Variants in EPC1 observed in about 807,000 individuals in gnomAD.
EPC1 encodes the protein enhancer of polycomb 1.
A neutral mutation model predicts 98.4 loss-of-function variants in EPC1; 12 were observed. The ratio of observed to expected loss-of-function variants is 0.12; its 90% CI spans 0.08 to 0.20. EPC1 has a LOEUF of 0.20. Ranked by LOEUF, EPC1 falls within the 10% of genes least tolerant of loss-of-function variation. EPC1 has a pLI of 1.00. For missense variants in EPC1, 729 were observed against 990.5 expected (o/e 0.74, Z 3.54); for synonymous variants, 357 against 363.9 (o/e 0.98, Z 0.21).
At chr10:32,304,788 A>G (rs1835774817) in intron 2 of EPC1, among the ~76,000 whole-genome samples, 1 of 151,952 alleles carries the variant, frequency 6.6e-6, no homozygotes, top group Admixed American at 6.6e-5. Context: ...GCGTGGTGGC[A>G]TGCGCCTGTA....
chr10:32,321,044 GTTTA>G (rs1028438289), intron 1 of EPC1, among the ~76,000 whole-genome samples: 1 of 152,034 alleles, frequency 6.6e-6, no homozygotes, highest in African/African-American at 2.4e-5. Flanking sequence ...TTTTCAGTTA[GTTTA>G]TTTTTTTTAA....
chr10:32,345,047 C>T (rs933094533), intron 1 of EPC1: 42 of 696,114 alleles, frequency 6.0e-5, no homozygotes, highest in Non-Finnish European at 6.7e-5. Context: ...AAAACCAACA[C>T]CCCAATACTT....
intron 2 of EPC1, among the ~76,000 whole-genome samples, chr10:32,304,873 C>G (rs933244538): frequency 6.9e-6 from 1 of 144,922 alleles, no homozygotes; most frequent in African/African-American, 2.6e-5. Flanking sequence ...AAGCCGAGAT[C>G]GCGCCATTGC....
chr10:32,377,265 C>T (rs1393371659), intron 1 of EPC1: 1 of 152,114 alleles, frequency 6.6e-6, no homozygotes, highest in African/African-American at 2.4e-5. Context: ...TATATGACTA[C>T]TTATTAGAAA....
At chr10:32,368,077 C>A (rs1045635737) in intron 1 of EPC1, among the ~76,000 whole-genome samples, 1 of 152,176 alleles carries the variant, frequency 6.6e-6, no homozygotes, top group African/African-American at 2.4e-5. Flanking sequence ...TTTACTCCGC[C>A]ATCAAAACTT....
chr10:32,276,013 A>G (rs995920152), intron 10 of EPC1, among the ~76,000 whole-genome samples: 1 of 152,142 alleles, frequency 6.6e-6, no homozygotes, highest in Non-Finnish European at 1.5e-5. Context: ...TCTTCTACAG[A>G]GTCTAGTTAT....
chr10:32,273,027 T>G lies in EPC1; in HGVS notation c.1863+136A>C. ...TTCCATACTCACCTGTAGTGTTCTT[T>G]CTAAACCCTGTATATTCAGGCGAAA... On this transcript the variant is annotated intron_variant, in intron 11 of 13. Coordinates refer to ENST00000319778, the MANE Select transcript of EPC1 (RefSeq NM_001272004.3). The G allele has an allele frequency of 2.5e-6, 4 of 1,614,166 alleles. No homozygotes were observed. The South Asian group carries it at 3.3e-5, about 13-fold the overall frequency.
intron 1 of EPC1, among the ~76,000 whole-genome samples, chr10:32,360,478 GGCA>G (rs1839411229): frequency 6.6e-6 from 1 of 152,148 alleles, no homozygotes; most frequent in Non-Finnish European, 1.5e-5. Context: ...TTGCATTCAA[GGCA>G]GCCACATAGT....
At chr10:32,338,515 T>A (rs1044282916) in intron 1 of EPC1, among the ~76,000 whole-genome samples, 1 of 152,168 alleles carries the variant, frequency 6.6e-6, no homozygotes, top group African/African-American at 2.4e-5. Context: ...CATGGTAGCC[T>A]AACAATCCCT....
chr10:32,347,267 C>T (rs1241925290), upstream of EPC1: 2 of 1,083,040 alleles, frequency 1.8e-6, no homozygotes, highest in Non-Finnish European at 2.3e-6. Flanking sequence ...GCACGAAGCG[C>T]GCGTCCCGCC....
chr10:32,291,282 C>T lies in EPC1; in HGVS notation c.856G>A (p.Val286Ile). The stretch of plus-strand genomic sequence containing the variant: ...TTCATTGGCTGTCTCTGTGCCATAA[C>T]CTCAGACATGATCTCTCCATTGTAG... ...GDYNGEIMSE[V>I]MAQRQPMKPT... Residue 286 changes from valine (V) to isoleucine (I), a missense_variant, in exon 6 of 14, where the codon GTT becomes ATT. This residue lies in a region of EPC1 where 390 missense variants were observed against 438.6 expected (regional missense o/e 0.89). Transcript: ENST00000319778. 1 of 1,613,826 alleles carries T rather than the reference C, an allele frequency of 6.2e-7. No individual in the cohort carries two copies. Among genetic ancestry groups the T allele is most frequent in the Non-Finnish European group, 8.5e-7 (1 of 1,179,848 alleles).
At position 32,335,520 on chromosome 10, in the gene EPC1, T is replaced by C. The variant is rs61134920; in HGVS notation, c.153+11243A>G. Among the ~76,000 whole-genome samples the C allele has an allele frequency of 6.7e-3, 1,013 of 152,206 alleles. 15 individuals carry two copies. The highest frequency in any genetic ancestry group is 0.021 in the African/African-American group (892 of 41,528). On this transcript the variant is annotated intron_variant, in intron 1 of 13. Transcript: ENST00000319778. The stretch of plus-strand genomic sequence containing the variant: ...TATTTTCCCATATGCCACAGACTTG[T>C]GGATGGCATACACACCCACTCTCCT...
chr10:32,325,166 T>C (rs1837199849), intron 1 of EPC1, among the ~76,000 whole-genome samples: 1 of 152,126 alleles, frequency 6.6e-6, no homozygotes, highest in Admixed American at 6.5e-5. Context: ...CTATATTGAG[T>C]ATAGTCAGAA....
rs768682052 is a variant in EPC1, at chr10:32,293,156, T to A, written c.498A>T (p.Glu166Asp). The A allele has an allele frequency of 6.2e-7, 1 of 1,613,336 alleles. No individual in the cohort carries two copies. The highest frequency in any genetic ancestry group is 1.7e-5 in the Admixed American group (1 of 59,974). The stretch of plus-strand genomic sequence containing the variant: ...AAACTTCTCTAATTAGTTCATCATC[T>A]TCTTTTAGCAGTAGTTTGGCTTCCT... ...SLQEAKLLLK[E>D]DDELIREVYE... Residue 166 changes from glutamate to aspartate, a missense_variant, in exon 4 of 14, where the codon GAA (glutamate) becomes GAT (aspartate). Coordinates refer to ENST00000319778, the MANE Select transcript of EPC1 (RefSeq NM_001272004.3).
At chr10:32,316,228 T>C (rs1225200768) in intron 1 of EPC1, among the ~76,000 whole-genome samples, 2 of 152,154 alleles carry the variant, frequency 1.3e-5, no homozygotes, top group Non-Finnish European at 2.9e-5. Flanking sequence ...ATGGAATAAC[T>C]AGAACTCTCA....
At chr10:32,286,645 A>C in intron 9 of EPC1, 49 bp downstream of exon 9, 6 of 1,594,822 alleles carry the variant, frequency 3.8e-6, no homozygotes, top group Non-Finnish European at 5.1e-6. Flanking sequence ...AGATTCAATC[A>C]CCCTAATGCC....
At chr10:32,334,509 T>A (rs531009579) in intron 1 of EPC1, among the ~76,000 whole-genome samples, 1 of 151,756 alleles carries the variant, frequency 6.6e-6, no homozygotes, top group Admixed American at 6.6e-5. Context: ...TTGACTCATA[T>A]ACCACAAATG....
At chr10:32,307,636 G>A (rs116042259) in intron 1 of EPC1, among the ~76,000 whole-genome samples, 1,715 of 152,242 alleles carry the variant, frequency 0.011, 34 homozygotes, top group African/African-American at 0.039. Context: ...TATATGGGGT[G>A]GGGAAAACAG....
rs555395254 is a variant in EPC1, at chr10:32,336,681, A to G, written c.153+10082T>C. On this transcript the variant is annotated intron_variant, in intron 1 of 13. Coordinates refer to ENST00000319778, the MANE Select transcript of EPC1 (RefSeq NM_001272004.3). ...ATACAACCATAGGATAAACTACCTC[A>G]TCCTGTCATAATCAACTCTTAACGA... Among the ~76,000 whole-genome samples, 90 of 152,216 alleles carry G rather than the reference A, an allele frequency of 5.9e-4. 1 individual carries two copies. The highest frequency in any genetic ancestry group is 6.8e-3 in the Middle Eastern group (2 of 294).
Sources: gnomAD v4.1 joint callset for allele counts (sites outside exome capture counted in the v4.1 genomes callset) on GRCh38, gnomAD v4.1.1 for gene constraint, gnomAD v4.1.1 regional missense constraint, MANE v1.5 for transcripts, NCBI Gene and HGNC (gene_info 2026-07-23, HGNC 2026-07-21) for gene names.